Variants in NR6A1 observed in about 807,000 individuals in gnomAD.
The protein encoded by NR6A1 is retinoic acid receptor-related testis-associated receptor.
NR6A1 carries 7 observed loss-of-function variants against 59.1 expected under a neutral mutation model. The observed-to-expected ratio is 0.12, with a 90% CI of 0.07 to 0.22. NR6A1 has a LOEUF of 0.22. Ranked by LOEUF, NR6A1 falls within the 10% of genes least tolerant of loss-of-function variation. NR6A1 has a pLI of 1.00. For synonymous variants in NR6A1, 243 were observed against 236.1 expected, an observed-to-expected ratio of 1.03 and a Z score of -0.27; for missense variants, 468 against 611.6, an observed-to-expected ratio of 0.77 and a Z score of 2.48.
At chr9:124,701,370 G>A (rs1030658046) in intron 2 of NR6A1, among the ~76,000 whole-genome samples, 5 of 152,058 alleles carry the variant, frequency 3.3e-5, no homozygotes, top group Non-Finnish European at 5.9e-5. Flanking sequence ...TTTTACCCAT[G>A]TTTTCATATT....
Position 124,581,251 on chromosome 9 carries a change from T to C in NR6A1, c.143-26681A>G, listed in dbSNP as rs538238522. ...AAAACAATTGTAACAAAAGCAAAAA[T>C]TGACAAATGGGATTTAATTAAACTA... On this transcript the variant is annotated intron_variant, in intron 2 of 9. Transcript: ENST00000487099. Among the ~76,000 whole-genome samples the C allele has an allele frequency of 6.3e-4, 96 of 152,108 alleles. 2 individuals are homozygous for C. In the South Asian group the frequency reaches 0.018, roughly 29 times the overall value.
chr9:124,596,748 C>A (rs961869584), intron 2 of NR6A1, among the ~76,000 whole-genome samples: 3 of 152,196 alleles, frequency 2.0e-5, no homozygotes, highest in Non-Finnish European at 2.9e-5. Flanking sequence ...CACATACACA[C>A]TCATACCTTA....
In NR6A1 at chr9:124,588,958, G is replaced by T. The variant is rs560951533; in HGVS notation, c.143-34388C>A. ...AGAAAGAAAAAAAAAACAGTATAAT[G>T]TGATGGTCAGTTTCTTAAGGTAACT... On this transcript the variant is annotated intron_variant, in intron 2 of 9. Coordinates refer to ENST00000487099, the MANE Select transcript of NR6A1 (RefSeq NM_033334.4). Among the ~76,000 whole-genome samples the T allele has an allele frequency of 5.4e-5, 8 of 149,104 alleles. No homozygotes were observed. In the South Asian group the frequency reaches 1.5e-3, roughly 28 times the overall value.
chr9:124,755,927 A>G (rs1840620344), intron 1 of NR6A1, among the ~76,000 whole-genome samples: 1 of 152,214 alleles, frequency 6.6e-6, no homozygotes, highest in Non-Finnish European at 1.5e-5. Context: ...GAAAAGATAG[A>G]TCTTTTCAGC....
intron 1 of NR6A1, among the ~76,000 whole-genome samples, chr9:124,760,039 CAA>C (rs1174587797): frequency 4.1e-5 from 4 of 97,136 alleles, no homozygotes; most frequent in Admixed American, 1.1e-4. Context: ...GACTCCATCT[CAA>C]AAAAAAAAAA....
At chr9:124,558,102 C>T (rs764342820) in intron 2 of NR6A1, among the ~76,000 whole-genome samples, 1 of 152,148 alleles carries the variant, frequency 6.6e-6, no homozygotes, top group Non-Finnish European at 1.5e-5. Flanking sequence ...CCTGAACCAC[C>T]AATATCAGAA....
Position 124,577,444 on chromosome 9 carries a change from G to A in NR6A1, c.143-22874C>T, listed in dbSNP as rs1834634258. Among the ~76,000 whole-genome samples, 3 of 152,172 alleles carry A rather than the reference G, an allele frequency of 2.0e-5. 1 individual carries two copies. In the South Asian group the frequency reaches 6.2e-4, roughly 31 times the overall value. ...AAGAGTATTACTGACTCTGAGGGTT[G>A]GTGTTTGTTATATATCTCAGTCCTT... On this transcript the variant is annotated intron_variant, in intron 2 of 9. Coordinates refer to ENST00000487099, the MANE Select transcript of NR6A1 (RefSeq NM_033334.4).
In NR6A1 at chr9:124,705,782, C is replaced by T. The variant is rs576578163; in HGVS notation, c.142+27526G>A. On this transcript the variant is annotated intron_variant, in intron 2 of 9. Transcript: ENST00000487099. ...TTAGGGTACACCATTTCAATCCCCC[C>T]TTTTTTTTTTTTTGACAGAGTCTCA... Among the ~76,000 whole-genome samples, 92 of 145,790 alleles carry T rather than the reference C, an allele frequency of 6.3e-4. 1 individual carries two copies. In the South Asian group the frequency reaches 0.019, roughly 30 times the overall value.
At position 124,677,051 on chromosome 9, in the gene NR6A1, G is replaced by A. The variant is rs535860552; in HGVS notation, c.142+56257C>T. ...AGACTTCATTCTCTATTTCCCTCCAGTGGCATCCAAGAAAAACATAAAAAT... is the reference window on the plus strand; with the variant it reads ...AGACTTCATTCTCTATTTCCCTCCAATGGCATCCAAGAAAAACATAAAAAT... On this transcript the variant is annotated intron_variant, in intron 2 of 9. Coordinates refer to ENST00000487099, the MANE Select transcript of NR6A1 (RefSeq NM_033334.4). Among the ~76,000 whole-genome samples, 4 of 151,842 alleles carry A rather than the reference G, an allele frequency of 2.6e-5. No homozygotes were observed. In the South Asian group the frequency reaches 8.3e-4, roughly 32 times the overall value.
At chr9:124,731,078 A>G (rs138529711) in intron 2 of NR6A1, among the ~76,000 whole-genome samples, 25 of 152,254 alleles carry the variant, frequency 1.6e-4, no homozygotes, top group African/African-American at 6.0e-4. Context: ...AATGCTTCTA[A>G]GAAAGGACCA....
At chr9:124,613,401 C>T (rs1450951095) in intron 2 of NR6A1, among the ~76,000 whole-genome samples, 1 of 152,100 alleles carries the variant, frequency 6.6e-6, no homozygotes, top group African/African-American at 2.4e-5. Flanking sequence ...AATACCACCA[C>T]TTTTGAAGGC....
At chr9:124,654,205 C>G (rs553550044) in intron 2 of NR6A1, among the ~76,000 whole-genome samples, 1 of 152,136 alleles carries the variant, frequency 6.6e-6, no homozygotes, top group Non-Finnish European at 1.5e-5. Flanking sequence ...TTGGGAGGAA[C>G]CCCAGTTAAA....
chr9:124,686,703 TC>T, intron 2 of NR6A1, among the ~76,000 whole-genome samples: 1 of 148,226 alleles, frequency 6.7e-6, no homozygotes, highest in Non-Finnish European at 1.5e-5. Flanking sequence ...TCTTTAAAAG[TC>T]TTTTTTTTTT....
At chr9:124,541,710 T>G (rs1436359141) in intron 4 of NR6A1, among the ~76,000 whole-genome samples, 1 of 152,218 alleles carries the variant, frequency 6.6e-6, no homozygotes, top group Non-Finnish European at 1.5e-5. Flanking sequence ...AAATCAGGAT[T>G]GTGAAGAGAT....
intron 2 of NR6A1, among the ~76,000 whole-genome samples, chr9:124,575,405 C>T (rs1222594414): frequency 6.6e-6 from 1 of 152,022 alleles, no homozygotes; most frequent in Non-Finnish European, 1.5e-5. Flanking sequence ...GAAACCCTGC[C>T]TCTACTAAAA....
chr9:124,575,123 C>T (rs1394454219), intron 2 of NR6A1, among the ~76,000 whole-genome samples: 3 of 152,190 alleles, frequency 2.0e-5, no homozygotes, highest in Non-Finnish European at 1.5e-5. Flanking sequence ...AAGCCTACCG[C>T]CTGTATTACA....
intron 2 of NR6A1, among the ~76,000 whole-genome samples, chr9:124,568,780 G>T (rs1007214870): frequency 3.3e-5 from 5 of 151,812 alleles, no homozygotes; most frequent in Admixed American, 2.6e-4. Flanking sequence ...CTCCTGTGAA[G>T]GTGGGGGAAG....
At chr9:124,538,050 C>T (rs1833325776) in intron 6 of NR6A1, 42 bp downstream of exon 6, 4 of 1,546,904 alleles carry the variant, frequency 2.6e-6, no homozygotes, top group Admixed American at 1.8e-5. Flanking sequence ...GGTAGGGACA[C>T]TTTGAGACTG....
At chr9:124,652,765 A>G (rs1336807439) in intron 2 of NR6A1, among the ~76,000 whole-genome samples, 1 of 152,200 alleles carries the variant, frequency 6.6e-6, no homozygotes, top group Non-Finnish European at 1.5e-5. Context: ...CTCACGCAGA[A>G]GCTAGGTCTC....
Sources: allele counts gnomAD v4.1 joint callset (sites outside exome capture counted in the v4.1 genomes callset), GRCh38; gene constraint gnomAD v4.1.1; transcripts MANE v1.5; gene names NCBI Gene and HGNC (gene_info 2026-07-23, HGNC 2026-07-21).